The following ARHGAP20 variants were observed in gnomAD, a reference collection of about 807,000 sequenced individuals.
ARHGAP20 encodes the protein Rho GTPase activating protein 20.
A neutral mutation model predicts 73.7 loss-of-function variants in ARHGAP20; 34 were observed. The ratio of observed to expected loss-of-function variants is 0.46; its 90% CI spans 0.35 to 0.61. The LOEUF (loss-of-function observed/expected upper bound fraction) is 0.61. Among genes scored for constraint, ARHGAP20 ranks in the 20% least tolerant of loss-of-function variants. The probability of loss-of-function intolerance (pLI) is 0.00; values close to 1 mark genes in which losing one functional copy is unlikely to be tolerated. For synonymous variants in ARHGAP20, 523 were observed against 518.2 expected (o/e 1.01, Z -0.13); for missense variants, 1,314 against 1,420.9 (o/e 0.92, Z 1.21).
At chr11:110,610,980 A>G (rs1291798837) in intron 7 of ARHGAP20, among the ~76,000 whole-genome samples, 1 of 152,058 alleles carries the variant, frequency 6.6e-6, no homozygotes, top group African/African-American at 2.4e-5. Context: ...GCAAGGGGAG[A>G]AGGAGGATGA....
intron 9 of ARHGAP20, among the ~76,000 whole-genome samples, chr11:110,602,948 T>TTA (rs1362605197): frequency 6.6e-6 from 1 of 152,246 alleles, no homozygotes; most frequent in Non-Finnish European, 1.5e-5. Flanking sequence ...ATCTGCTGTG[T>TTA]TATATTTCAT....
intron 2 of ARHGAP20, among the ~76,000 whole-genome samples, chr11:110,644,155 T>C (rs1261199785): frequency 6.6e-6 from 1 of 151,922 alleles, no homozygotes; most frequent in Non-Finnish European, 1.5e-5. Context: ...ACATCTAAGA[T>C]GACGTAAATA....
At chr11:110,650,774 T>A (rs1949332572) in intron 2 of ARHGAP20, among the ~76,000 whole-genome samples, 1 of 152,124 alleles carries the variant, frequency 6.6e-6, no homozygotes, top group Non-Finnish European at 1.5e-5. Context: ...CTGTTAGAAA[T>A]AACTTTAGCC....
At chr11:110,611,121 G>T (rs1948357094) in intron 7 of ARHGAP20, among the ~76,000 whole-genome samples, 188 bp downstream of exon 7, 1 of 151,780 alleles carries the variant, frequency 6.6e-6, no homozygotes, top group South Asian at 2.1e-4. Context: ...TTTAAAATAG[G>T]AGAACAGCAG....
intron 2 of ARHGAP20, among the ~76,000 whole-genome samples, chr11:110,652,140 C>A (rs1949369512): frequency 1.3e-5 from 2 of 152,054 alleles, no homozygotes; most frequent in Non-Finnish European, 2.9e-5. Flanking sequence ...ACAAAAACGA[C>A]ATGATTATCT....
chr11:110,613,526 C>T (rs1441151758), intron 6 of ARHGAP20, among the ~76,000 whole-genome samples: 3 of 152,088 alleles, frequency 2.0e-5, no homozygotes, highest in Non-Finnish European at 2.9e-5. Flanking sequence ...GGACATCAGT[C>T]CTTTCTCAAG....
At chr11:110,586,697 G>GT (rs1345120488) in intron 11 of ARHGAP20, among the ~76,000 whole-genome samples, 1 of 152,054 alleles carries the variant, frequency 6.6e-6, no homozygotes, top group Non-Finnish European at 1.5e-5. Flanking sequence ...ATGTACCAAG[G>GT]TATCTATGAG....
intron 2 of ARHGAP20, among the ~76,000 whole-genome samples, chr11:110,660,562 T>A (rs1949586593): frequency 6.6e-6 from 1 of 151,640 alleles, no homozygotes; most frequent in Non-Finnish European, 1.5e-5. Context: ...ACAGAGCCAA[T>A]TTTTCCAAGC....
At position 110,577,398 on chromosome 11, in the gene ARHGAP20, G is replaced by T. The variant is rs1344332326; in HGVS notation, c.*1972C>A. The T allele has an allele frequency of 1.7e-6, 2 of 1,145,814 alleles. No homozygotes were observed. Among genetic ancestry groups the T allele is most frequent in the Admixed American group, 9.5e-5 (2 of 21,016 alleles). The allele number at this position is 1,145,814 out of a possible 1,614,324, so 71.0% of individuals were successfully genotyped here. A position where few individuals can be genotyped will look rare whatever the true frequency, so the allele number is the denominator to read the frequency against. On this transcript the variant is annotated 3_prime_UTR_variant, in exon 15 of 15. Transcript: ENST00000683387. ...TAAGGGAACACAGATAGTAGGAATG[G>T]TTATTAAAAAACCTCAGCAACTATT...
In ARHGAP20 at chr11:110,617,272, T is replaced by C. The variant is rs983379922; in HGVS notation, c.504-1678A>G. On this transcript the variant is annotated intron_variant, in intron 4 of 14. Coordinates refer to ENST00000683387, the MANE Select transcript of ARHGAP20 (RefSeq NM_001384657.1). Reference sequence around the variant, plus strand: ...TTTATTTTCTTTTTCTTTCTTTTTTTTTTTGAGATGGAGTTTCACTTTTTT... The same window carrying C: ...TTTATTTTCTTTTTCTTTCTTTTTTCTTTTGAGATGGAGTTTCACTTTTTT... 4.6e-5 allele frequency among the ~76,000 whole-genome samples: 7 copies of C among 152,214 alleles called. No individual in the cohort carries two copies. The South Asian group carries it at 1.4e-3, about 32-fold the overall frequency.
intron 2 of ARHGAP20, among the ~76,000 whole-genome samples, chr11:110,671,755 A>T (rs1949832532): frequency 6.6e-6 from 1 of 152,138 alleles, no homozygotes; most frequent in African/African-American, 2.4e-5. Flanking sequence ...TTAGAAAGCT[A>T]AGTAATCAAG....
chr11:110,578,294 C>G lies in ARHGAP20; in HGVS notation c.*1076G>C. The G allele has an allele frequency of 1.0e-6, 1 of 985,418 alleles. No homozygotes were observed. Among genetic ancestry groups the G allele is most frequent in the East Asian group, 1.1e-4 (1 of 8,822 alleles). 61.0% of individuals were successfully genotyped at this position (985,418 alleles called of 1,614,324 possible). A position where few individuals can be genotyped will look rare whatever the true frequency, so the allele number is the denominator to read the frequency against. On this transcript the variant is annotated 3_prime_UTR_variant, in exon 15 of 15. Transcript: ENST00000683387. ...CCTGGCAGCCACTTTGTTGGGTATT[C>G]TATTGTGGGACTCCTTATAACCGGC... is the stretch of plus-strand genomic sequence containing the variant.
intron 9 of ARHGAP20, among the ~76,000 whole-genome samples, chr11:110,599,376 C>T (rs1008492932): frequency 2.0e-5 from 3 of 152,306 alleles, no homozygotes; most frequent in Admixed American, 6.5e-5. Context: ...GACATGCCAG[C>T]CCCCTGGTGC....
At position 110,581,223 on chromosome 11, in the gene ARHGAP20, T is replaced by C. The variant is rs1405667248; in HGVS notation, c.1723A>G (p.Ile575Val). ...RCDTRENASD[I>V]SCFQLNDSSY... ...GAGTCATTCAGTTGAAAGCAAGAAA[T>C]ATCTGTCAAAAAAATTAAACCATGA... Residue 575 changes from isoleucine to valine, a missense_variant and splice_region_variant, in exon 15 of 15, where the codon ATT (isoleucine) becomes GTT (valine). Ile to Val is a conservative substitution (Grantham distance 29). Coordinates refer to ENST00000683387, the MANE Select transcript of ARHGAP20 (RefSeq NM_001384657.1). 2 of 1,598,540 alleles carry C rather than the reference T, an allele frequency of 1.3e-6. No homozygotes were observed. Among genetic ancestry groups the C allele is most frequent in the South Asian group, 2.2e-5 (2 of 89,512 alleles).
chr11:110,624,034 G>C, intron 4 of ARHGAP20, 128 bp downstream of exon 4: 1 of 1,265,076 alleles, frequency 7.9e-7, no homozygotes, highest in Non-Finnish European at 1.1e-6. Context: ...ATTTAATATG[G>C]AATCAGAATA....
Position 110,712,413 on chromosome 11 carries a change from G to T in ARHGAP20, c.-182C>A. Reference sequence around the variant, plus strand: ...GGGCCATGTACCTCCGCCTGCGCTCGACACCGCGGGCTGGAGGCGAGTGCA... The same window carrying T: ...GGGCCATGTACCTCCGCCTGCGCTCTACACCGCGGGCTGGAGGCGAGTGCA... On this transcript the variant is annotated 5_prime_UTR_variant, in exon 1 of 15. Coordinates refer to ENST00000683387, the MANE Select transcript of ARHGAP20 (RefSeq NM_001384657.1). 3.1e-6 allele frequency: 1 copy of T among 322,622 alleles called. No individual in the cohort carries two copies. Among genetic ancestry groups the T allele is most frequent in the South Asian group, 1.5e-4 (1 of 6,878 alleles). 20.0% of individuals were successfully genotyped at this position (322,622 alleles called of 1,614,324 possible).
At position 110,682,279 on chromosome 11, in the gene ARHGAP20, T is replaced by C. The variant is rs1176593424; in HGVS notation, c.188+8268A>G. On this transcript the variant is annotated intron_variant, in intron 2 of 14. Coordinates refer to ENST00000683387, the MANE Select transcript of ARHGAP20 (RefSeq NM_001384657.1). ...TACTAACAATAATAAATAGCTTACA[T>C]ACATATGTAGCACTGATTATGTACT... Among the ~76,000 whole-genome samples the C allele has an allele frequency of 2.0e-5, 3 of 152,194 alleles. No individual in the cohort carries two copies. In the East Asian group the frequency reaches 5.8e-4, roughly 29 times the overall value.
intron 3 of ARHGAP20, among the ~76,000 whole-genome samples, chr11:110,626,134 C>A (rs544837145): frequency 6.6e-6 from 1 of 152,132 alleles, no homozygotes; most frequent in South Asian, 2.1e-4. Context: ...AATTACAGAC[C>A]AAATTTTATT....
At chr11:110,711,955 C>G (rs1337743737) in intron 1 of ARHGAP20, 172 bp downstream of exon 1, 6 of 1,252,672 alleles carry the variant, frequency 4.8e-6, no homozygotes, top group Non-Finnish European at 5.0e-6. Context: ...GGCGCTGCCG[C>G]TGGCCGTCAA....
Sources: gnomAD v4.1 joint callset for allele counts (sites outside exome capture counted in the v4.1 genomes callset) on GRCh38, gnomAD v4.1.1 for gene constraint, MANE v1.5 for transcripts, NCBI Gene and HGNC (gene_info 2026-07-23, HGNC 2026-07-21) for gene names.